The following SAMD9L variants were observed in gnomAD, a reference collection of about 807,000 sequenced individuals.
The protein encoded by SAMD9L is sterile alpha motif domain-containing protein 9-like.
In SAMD9L, 68 loss-of-function variants were observed where a neutral mutation model predicts 90.7. The observed-to-expected ratio is 0.75, with a 90% CI of 0.62 to 0.92. The LOEUF (loss-of-function observed/expected upper bound fraction) is 0.92, where lower values mean the gene tolerates loss of function less well. Among genes scored for constraint, SAMD9L ranks in the 40% least tolerant of loss-of-function variants. The probability of loss-of-function intolerance (pLI) is 0.00; values close to 1 mark genes in which losing one functional copy is unlikely to be tolerated. For synonymous variants in SAMD9L, 640 were observed against 630.1 expected, an observed-to-expected ratio of 1.02 and a Z score of -0.23; for missense variants, 1,604 against 1,824.3, an observed-to-expected ratio of 0.88 and a Z score of 2.20.
Position 93,135,414 on chromosome 7 carries a change from T to C in SAMD9L, c.558A>G (p.Glu186=). 6.2e-7 allele frequency: 1 copy of C among 1,614,138 alleles called. No individual in the cohort carries two copies. The highest frequency in any genetic ancestry group is 8.5e-7 in the Non-Finnish European group (1 of 1,179,988). Residue 186 remains glutamate (E), a synonymous_variant, in exon 5 of 5, where the codon GAA becomes GAG. Transcript: ENST00000318238. ...RYIEHYTLQP[E]TGALNLIDPI... ...GATCAATGAGATTGAGTGCTCCTGT[T>C]TCAGGTTGTAGAGTATAATGTTCTA...
At chr7:93,141,451 C>T (rs1792686960) in intron 4 of SAMD9L, among the ~76,000 whole-genome samples, 2 of 152,204 alleles carry the variant, frequency 1.3e-5, no homozygotes, top group South Asian at 2.1e-4. Flanking sequence ...AGTCCTAAAA[C>T]GAACATGGCC....
chr7:93,140,740 T>C (rs1453436383), intron 4 of SAMD9L, among the ~76,000 whole-genome samples: 1 of 152,248 alleles, frequency 6.6e-6, no homozygotes, highest in Non-Finnish European at 1.5e-5. Context: ...CTGCATGTTC[T>C]GCCCACATGC....
rs778278292 is a variant in SAMD9L at position 93,132,842 on chromosome 7, G to A, written c.3130C>T (p.Arg1044Cys). 75 of 1,613,550 alleles carry A rather than the reference G, an allele frequency of 4.6e-5. No homozygotes were observed. In the East Asian group the frequency reaches 8.7e-4, roughly 19 times the overall value. Residue 1044 changes from arginine to cysteine, a missense_variant, in exon 5 of 5, where the codon CGC becomes TGC. Arg to Cys is a radical substitution (Grantham distance 180, BLOSUM62 -3). Coordinates refer to ENST00000318238, the MANE Select transcript of SAMD9L (RefSeq NM_152703.5). ...DVQTLLLTRQ[R>C]KVYGDETDTL... Reference sequence around the variant, plus strand: ...TCTGTTTCATCTCCATACACCTTGCGCTGTCTTGTAAGCAGAAGAGTTTGA... The same window carrying A: ...TCTGTTTCATCTCCATACACCTTGCACTGTCTTGTAAGCAGAAGAGTTTGA...
chr7:93,142,831 TCTC>T (rs1792744638), intron 4 of SAMD9L, among the ~76,000 whole-genome samples: 1 of 152,212 alleles, frequency 6.6e-6, no homozygotes. Context: ...GGCAGTATCT[TCTC>T]CTAGCCAGTG....
At position 93,130,796 on chromosome 7, in the gene SAMD9L, G is replaced by C. The variant is rs1792055906; in HGVS notation, c.*421C>G. 6.5e-6 allele frequency: 1 copy of C among 154,694 alleles called. No individual in the cohort carries two copies. The highest frequency in any genetic ancestry group is 2.0e-4 in the South Asian group (1 of 4,954). The allele number at this position is 154,694 out of a possible 1,614,324, so 9.6% of individuals were successfully genotyped here. On this transcript the variant is annotated 3_prime_UTR_variant, in exon 5 of 5. Transcript: ENST00000318238. ...CCAAGATGAGGTAAATAGAACTCTG[G>C]TGTGGATCTGTGGGTTTGAGTCCAA...
Position 93,134,932 on chromosome 7 carries a change from G to A in SAMD9L, c.1040C>T (p.Ala347Val), listed in dbSNP as rs774672745. 8 of 1,613,602 alleles carry A rather than the reference G, an allele frequency of 5.0e-6. No homozygotes were observed. The highest frequency in any genetic ancestry group is 1.3e-5 in the African/African-American group (1 of 75,000). The part of the protein sequence containing the change: ...QNLSLFVREG[A>V]SSRDILANSK... ...ATTGGCCAGGATATCCCTAGAGCTAGCCCCTTCTCTTACAAACAGTGAAAG... is the reference window on the plus strand; with the variant it reads ...ATTGGCCAGGATATCCCTAGAGCTAACCCCTTCTCTTACAAACAGTGAAAG... Residue 347 changes from alanine to valine, a missense_variant, in exon 5 of 5, where the codon GCT becomes GTT. Ala to Val is a moderately conservative substitution (Grantham distance 64). Around this residue, in one of 7 missense-constraint regions of SAMD9L, gnomAD observed 606 missense variants for 717.6 expected, o/e 0.84. Coordinates refer to ENST00000318238, the MANE Select transcript of SAMD9L (RefSeq NM_152703.5).
rs1562789666 is a variant in SAMD9L at position 93,132,764 on chromosome 7, CCTTTTCAATGT to C, written c.3197_3207del (p.Asp1066GlyfsTer7). 2.5e-6 allele frequency: 4 copies of C among 1,613,716 alleles called. No homozygotes were observed. Among genetic ancestry groups the C allele is most frequent in the Non-Finnish European group, 3.4e-6 (4 of 1,179,776 alleles). On this transcript the variant is annotated frameshift_variant, in exon 5 of 5. Transcript: ENST00000318238. LOFTEE classifies it high-confidence loss of function. ...AATCGTCTACTTCCTGCACTCAAGA[CCTTTTCAATGT>C]CTTTATTCTGTAAAGCTTCCATTAA...
Position 93,141,101 on chromosome 7 carries a change from A to T in SAMD9L, c.-21+3631T>A, listed in dbSNP as rs190413183. The stretch of plus-strand genomic sequence containing the variant: ...AGACAGTTCTTGACAGAACAGCAGC[A>T]CTTGAAACAAGTGATTGCTCTCTTT... On this transcript the variant is annotated intron_variant, in intron 4 of 4. Coordinates refer to ENST00000318238, the MANE Select transcript of SAMD9L (RefSeq NM_152703.5). 3.9e-5 allele frequency among the ~76,000 whole-genome samples: 6 copies of T among 152,338 alleles called. No homozygotes were observed. The East Asian group carries it at 1.2e-3, about 29-fold the overall frequency.
At chr7:93,138,064 TCTTA>T (rs746399258) in intron 4 of SAMD9L, among the ~76,000 whole-genome samples, 8 of 152,218 alleles carry the variant, frequency 5.3e-5, no homozygotes, top group Non-Finnish European at 8.8e-5. Context: ...CCTTGAATTC[TCTTA>T]CTTACTCTGG....
rs963309607 is a variant in SAMD9L, at chr7:93,132,016, T to A, written c.3956A>T (p.Glu1319Val). 17 of 1,613,262 alleles carry A rather than the reference T, an allele frequency of 1.1e-5. No homozygotes were observed. The African/African-American group carries it at 1.5e-4, about 14-fold the overall frequency. ...ATTCTCCTCCTGGAGTAATTGACTCTCTTTACTTTGTAATAGACATGGATC... is the reference window on the plus strand; with the variant it reads ...ATTCTCCTCCTGGAGTAATTGACTCACTTTACTTTGTAATAGACATGGATC... ...HLDPCLLQSK[E>V]SQLLQEENCR... The change falls in exon 5 of 5, where the codon GAG becomes GTG. Residue 1319 changes from glutamate (E) to valine (V), a missense_variant. Around this residue, in one of 7 missense-constraint regions of SAMD9L, gnomAD observed 282 missense variants for 329.6 expected, o/e 0.86. Coordinates refer to ENST00000318238, the MANE Select transcript of SAMD9L (RefSeq NM_152703.5).
chr7:93,140,614 C>G (rs559365172), intron 4 of SAMD9L, among the ~76,000 whole-genome samples: 3 of 152,204 alleles, frequency 2.0e-5, no homozygotes, highest in Non-Finnish European at 4.4e-5. Flanking sequence ...CCATTTAAAC[C>G]GGCAGAATTG....
intron 4 of SAMD9L, among the ~76,000 whole-genome samples, chr7:93,136,688 G>A (rs1792466674): frequency 6.6e-6 from 1 of 152,194 alleles, no homozygotes; most frequent in African/African-American, 2.4e-5. Context: ...TTATTGATAT[G>A]AGGCTAATGA....
At position 93,135,738 on chromosome 7, in the gene SAMD9L, C is replaced by A. The variant is rs111845263; in HGVS notation, c.234G>T (p.Lys78Asn). The change falls in exon 5 of 5, where the codon AAG becomes AAT. Residue 78 changes from lysine (K) to asparagine (N), a missense_variant. Lys to Asn is a moderately conservative substitution (Grantham distance 94). This residue lies in a region of SAMD9L where 374 missense variants were observed against 363.6 expected (regional missense o/e 1.03). Coordinates refer to ENST00000318238, the MANE Select transcript of SAMD9L (RefSeq NM_152703.5). Reference sequence around the variant, plus strand: ...GATCATGATTGTCACTTTCAGGGGACTTACTATTCAATTTGTTGTATGAAC... The same window carrying A: ...GATCATGATTGTCACTTTCAGGGGAATTACTATTCAATTTGTTGTATGAAC... ...IKRSYNKLNSKSPESDNHDPG... is the reference protein window; with the variant it reads ...IKRSYNKLNSNSPESDNHDPG... 5.0e-6 allele frequency: 8 copies of A among 1,613,982 alleles called. No individual in the cohort carries two copies. In the African/African-American group the frequency reaches 5.3e-5, roughly 11 times the overall value.
Position 93,133,416 on chromosome 7 carries a change from T to C in SAMD9L, c.2556A>G (p.Ala852=). 2 of 1,613,534 alleles carry C rather than the reference T, an allele frequency of 1.2e-6. No individual in the cohort carries two copies. Among genetic ancestry groups the C allele is most frequent in the Non-Finnish European group, 1.7e-6 (2 of 1,179,478 alleles). Residue 852 remains alanine (A), a synonymous_variant, in exon 5 of 5, where the codon GCA becomes GCG. Coordinates refer to ENST00000318238, the MANE Select transcript of SAMD9L (RefSeq NM_152703.5). ...SRNPDESAKL[A]DSIALNYQLS... is the part of the protein sequence containing the mutation. ...GTTGGTAATTTAGTGCAATACTGTCTGCCAATTTTGCACTTTCATCTGGAT... is the reference window on the plus strand; with the variant it reads ...GTTGGTAATTTAGTGCAATACTGTCCGCCAATTTTGCACTTTCATCTGGAT...
At position 93,135,451 on chromosome 7, in the gene SAMD9L, C is replaced by T; in HGVS notation, c.521G>A (p.Ser174Asn). 1.2e-6 allele frequency: 2 copies of T among 1,614,134 alleles called. No individual in the cohort carries two copies. The highest frequency in any genetic ancestry group is 2.2e-5 in the East Asian group (1 of 44,886). Residue 174 changes from serine (S) to asparagine (N), a missense_variant, in exon 5 of 5, where the codon AGC (serine) becomes AAC (asparagine). Physicochemically the swap from Ser to Asn is conservative, Grantham distance 46. Around this residue, in one of 7 missense-constraint regions of SAMD9L, gnomAD observed 374 missense variants for 363.6 expected, o/e 1.03. Transcript: ENST00000318238. Reference protein sequence around the residue: ...MPYPFDQFHDSHRYIEHYTLQ... With the variant: ...MPYPFDQFHDNHRYIEHYTLQ... ...AGTATAATGTTCTATGTAGCGATGG[C>T]TGTCATGGAACTGATCAAAAGGATA...
chr7:93,137,172 A>G (rs889521543), intron 4 of SAMD9L, among the ~76,000 whole-genome samples: 1 of 152,204 alleles, frequency 6.6e-6, no homozygotes, highest in African/African-American at 2.4e-5. Flanking sequence ...GGGTCTCCAA[A>G]TCTGGGGACC....
At chr7:93,137,470 T>C (rs1792500773) in intron 4 of SAMD9L, among the ~76,000 whole-genome samples, 2 of 152,140 alleles carry the variant, frequency 1.3e-5, no homozygotes, top group African/African-American at 4.8e-5. Flanking sequence ...TGGGACCATC[T>C]AGTTGCAGGA....
At chr7:93,148,082 A>G (rs1792961764) in intron 1 of SAMD9L, 112 bp downstream of exon 1, 1 of 152,248 alleles carries the variant, frequency 6.6e-6, no homozygotes, top group South Asian at 2.1e-4. Context: ...TTTTATAAGT[A>G]ATCGTTTATG....
rs1584278317 is a variant in SAMD9L, at chr7:93,133,900, C to A, written c.2072G>T (p.Gly691Val). 1.2e-6 allele frequency: 2 copies of A among 1,613,786 alleles called. No individual in the cohort carries two copies. Among genetic ancestry groups the A allele is most frequent in the East Asian group, 4.5e-5 (2 of 44,866 alleles). The change falls in exon 5 of 5, where the codon GGC becomes GTC. Residue 691 changes from glycine to valine, a missense_variant. Transcript: ENST00000318238. ...ATAGAAGTTCCACCAGGATACTTTG[C>A]CACCTCGATAAAAGTGTTCTTCTTT... The part of the protein sequence containing the change: ...KSKEEHFYRG[G>V]KVSWWNFYFS...
Sources: gnomAD v4.1 joint callset for allele counts (sites outside exome capture counted in the v4.1 genomes callset) on GRCh38, gnomAD v4.1.1 for gene constraint, gnomAD v4.1.1 regional missense constraint, MANE v1.5 for transcripts, NCBI Gene and HGNC (gene_info 2026-07-23, HGNC 2026-07-21) for gene names.